The following HDAC9 variants were observed in gnomAD, a reference collection of about 807,000 sequenced individuals.
HDAC9 encodes the protein MEF-2 interacting transcription repressor (MITR) protein.
Under a neutral mutation model 139.4 loss-of-function variants are expected in HDAC9, and 41 were observed. That is an observed-to-expected ratio of 0.29 (90% CI 0.23 to 0.38). The LOEUF (loss-of-function observed/expected upper bound fraction) is 0.38. HDAC9 is among the 10% of genes least tolerant of loss of function. The pLI, the probability that HDAC9 is intolerant of heterozygous loss-of-function variation, is 1.00. For missense variants in HDAC9, 1,147 were observed against 1,297.0 expected (o/e 0.88, Z 1.78); for synonymous variants, 517 against 476.2 (o/e 1.09, Z -1.12).
At chr7:18,749,781 A>T (rs2129147542) in intron 14 of HDAC9, among the ~76,000 whole-genome samples, 1 of 152,326 alleles carries the variant, frequency 6.6e-6, no homozygotes, top group South Asian at 2.1e-4. Context: ...TGTGCAAAAT[A>T]TGTAACAACC....
At chr7:18,755,911 T>G (rs1788835251) in intron 14 of HDAC9, among the ~76,000 whole-genome samples, 1 of 152,194 alleles carries the variant, frequency 6.6e-6, no homozygotes, top group Non-Finnish European at 1.5e-5. Context: ...CTCATCAACC[T>G]TCCGTCCACC....
chr7:18,451,499 G>T (rs536704157), intron 1 of HDAC9, among the ~76,000 whole-genome samples: 1 of 151,052 alleles, frequency 6.6e-6, no homozygotes, highest in Non-Finnish European at 1.5e-5. Context: ...GATTACATTA[G>T]ATAGATATGC....
At chr7:18,921,448 A>C (rs1449558725) in intron 22 of HDAC9, among the ~76,000 whole-genome samples, 1 of 152,236 alleles carries the variant, frequency 6.6e-6, no homozygotes, top group Admixed American at 6.5e-5. Flanking sequence ...AAAAGAAGAC[A>C]TTTATGCAGC....
rs187063068 is a variant in HDAC9 at position 18,879,362 on chromosome 7, T to C, written c.2803+4766T>C. Among the ~76,000 whole-genome samples, 372 of 152,298 alleles carry C rather than the reference T, an allele frequency of 2.4e-3. 7 individuals are homozygous for C. The highest frequency in any genetic ancestry group is 6.3e-4 in the Non-Finnish European group (43 of 68,036). ...AGAGCCCAAATAGCTAAGGCAATCCTAAGCGAAAAGAGCATAGCTGGAGGC... is the reference window on the plus strand; with the variant it reads ...AGAGCCCAAATAGCTAAGGCAATCCCAAGCGAAAAGAGCATAGCTGGAGGC... On this transcript the variant is annotated intron_variant, in intron 22 of 25. Coordinates refer to ENST00000686413, the MANE Select transcript of HDAC9 (RefSeq NM_178425.4).
At position 18,110,145 on chromosome 7, in the gene HDAC9, G is replaced by A. The variant is rs182383302; in HGVS notation, c.-97+22932G>A. The stretch of plus-strand genomic sequence containing the variant: ...AAGGTGAGTGGTTTTAAAAGGGACA[G>A]CAGCTTCTTGGACGTGCACTTTCTC... On this transcript the variant is annotated intron_variant, in intron 1 of 12. Coordinates refer to the HDAC9 transcript ENST00000417496. Among the ~76,000 whole-genome samples, 29 of 152,322 alleles carry A rather than the reference G, an allele frequency of 1.9e-4. No individual in the cohort carries two copies. In the East Asian group the frequency reaches 4.4e-3, roughly 23 times the overall value.
intron 25 of HDAC9, among the ~76,000 whole-genome samples, chr7:18,984,775 T>C (rs560175623): frequency 6.6e-6 from 1 of 152,148 alleles, no homozygotes; most frequent in African/African-American, 2.4e-5. Context: ...ATTGTAGAAT[T>C]AAGAGGCGAA....
intron 25 of HDAC9, among the ~76,000 whole-genome samples, chr7:18,985,560 T>C (rs549149122): frequency 6.6e-6 from 1 of 151,286 alleles, no homozygotes; most frequent in Non-Finnish European, 1.5e-5. Context: ...AGCAGCATGA[T>C]TTATAGTCCT....
Position 18,409,434 on chromosome 7 carries a change from A to G in HDAC9, c.-41-86828A>G, listed in dbSNP as rs561816354. 1.1e-4 allele frequency among the ~76,000 whole-genome samples: 16 copies of G among 152,294 alleles called. No individual in the cohort carries two copies. The South Asian group carries it at 3.1e-3, about 30-fold the overall frequency. On this transcript the variant is annotated intron_variant, in intron 1 of 3. Transcript: ENST00000413509. ...TGGGCCTTTTTTTCACAGAAAGTGA[A>G]AAGTGTAATGCTTATAGACAAGCAT...
Position 18,327,974 on chromosome 7 carries a change from A to G in HDAC9, c.-42+37459A>G, listed in dbSNP as rs536755198. ...GCTTTCAGCAATAGGCTGCCATACC[A>G]ATTGGAAAAATCTAGCATGGTATAA... On this transcript the variant is annotated intron_variant, in intron 1 of 3. Coordinates refer to the HDAC9 transcript ENST00000413509. Among the ~76,000 whole-genome samples the G allele has an allele frequency of 3.9e-5, 6 of 152,104 alleles. No homozygotes were observed. In the South Asian group the frequency reaches 1.2e-3, roughly 32 times the overall value.
chr7:18,874,248 T>C (rs1799150381), intron 21 of HDAC9, among the ~76,000 whole-genome samples: 4 of 151,602 alleles, frequency 2.6e-5, no homozygotes, highest in South Asian at 4.2e-4. Flanking sequence ...TTTTTTTTTT[T>C]CCATTTGGAG....
chr7:18,659,099 A>G lies in HDAC9; in HGVS notation c.1468-7114A>G, dbSNP rs1212304660. Among the ~76,000 whole-genome samples the G allele has an allele frequency of 2.6e-5, 4 of 152,260 alleles. No homozygotes were observed. In the East Asian group the frequency reaches 7.7e-4, roughly 29 times the overall value. ...AGAAAATCAGATGTTTATGAGGAAC[A>G]GATTTATTCTTACATGATCCTGTTC... On this transcript the variant is annotated intron_variant, in intron 11 of 25. Coordinates refer to ENST00000686413, the MANE Select transcript of HDAC9 (RefSeq NM_178425.4).
At chr7:18,289,635 T>C (rs1022983326), upstream of HDAC9, among the ~76,000 whole-genome samples, 1 of 152,162 alleles carries the variant, frequency 6.6e-6, no homozygotes, top group African/African-American at 2.4e-5. Flanking sequence ...TCAAAGTGAG[T>C]ACTCCAGATT....
At chr7:18,269,117 A>AAGTTCAGGG (rs2128212016) in intron 2 of HDAC9, among the ~76,000 whole-genome samples, 1 of 152,278 alleles carries the variant, frequency 6.6e-6, no homozygotes, top group East Asian at 1.9e-4. Flanking sequence ...AGTCTTCTGG[A>AAGTTCAGGG]AGTTCAGGGA....
At chr7:18,201,611 AG>A (rs1181812221) in intron 2 of HDAC9, among the ~76,000 whole-genome samples, 1 of 152,196 alleles carries the variant, frequency 6.6e-6, no homozygotes, top group Non-Finnish European at 1.5e-5. Context: ...CCTCCTGCCA[AG>A]GGAAGGGCCT....
intron 15 of HDAC9, among the ~76,000 whole-genome samples, chr7:18,764,716 T>C (rs958451066): frequency 2.0e-5 from 3 of 152,160 alleles, no homozygotes; most frequent in Non-Finnish European, 4.4e-5. Context: ...AGATGTTTTC[T>C]CTCTTTTTAT....
At chr7:18,385,163 A>G (rs566621742) in intron 1 of HDAC9, among the ~76,000 whole-genome samples, 11 of 152,314 alleles carry the variant, frequency 7.2e-5, no homozygotes, top group African/African-American at 2.4e-4. Flanking sequence ...CCTTAATTCT[A>G]TGTGTGATAG....
Position 18,194,938 on chromosome 7 carries a change from T to TTGTGTG in HDAC9, c.25+32608_25+32613dup, listed in dbSNP as rs112692661. On this transcript the variant is annotated intron_variant, in intron 2 of 12. Transcript: ENST00000417496. ...GCAAAGAGAATGTTGCTTTATAGTT[T>TTGTGTG]TGTGTGTGTGTGTGTGTGTGTGTGG... Among the ~76,000 whole-genome samples the TTGTGTG allele has an allele frequency of 5.6e-3, 827 of 148,834 alleles. 5 individuals are homozygous for TTGTGTG. The highest frequency in any genetic ancestry group is 0.018 in the African/African-American group (738 of 40,790).
At chr7:18,788,264 A>C (rs1166205420) in intron 16 of HDAC9, among the ~76,000 whole-genome samples, 1 of 152,162 alleles carries the variant, frequency 6.6e-6, no homozygotes, top group Admixed American at 6.5e-5. Flanking sequence ...GGCTCCACCC[A>C]TAGTTAAACC....
At chr7:18,165,635 T>A (rs998295279) in intron 2 of HDAC9, among the ~76,000 whole-genome samples, 3 of 151,674 alleles carry the variant, frequency 2.0e-5, no homozygotes, top group Admixed American at 6.6e-5. Context: ...AAAAATTTTT[T>A]AAAAAATTGC....
Sources: allele counts gnomAD v4.1 joint callset (sites outside exome capture counted in the v4.1 genomes callset), GRCh38; gene constraint gnomAD v4.1.1; transcripts MANE v1.5; gene names NCBI Gene and HGNC (gene_info 2026-07-23, HGNC 2026-07-21).